Variants in SNX29 observed in about 807,000 individuals in gnomAD.
SNX29 encodes the protein sorting nexin 29.
SNX29 carries 78 observed loss-of-function variants against 102.1 expected under a neutral mutation model. That is an observed-to-expected ratio of 0.76 (90% confidence interval 0.64 to 0.92). SNX29 has a LOEUF of 0.92. Among genes scored for constraint, SNX29 ranks in the 40% least tolerant of loss-of-function variants. The probability of loss-of-function intolerance (pLI) is 0.00; values close to 1 mark genes in which losing one functional copy is unlikely to be tolerated. For missense variants in SNX29, 1,280 were observed against 1,061.7 expected, an observed-to-expected ratio of 1.21 and a Z score of -2.86; for synonymous variants, 580 against 414.5, an observed-to-expected ratio of 1.40 and a Z score of -4.85.
intron 13 of SNX29, among the ~76,000 whole-genome samples, chr16:12,151,820 C>A (rs981186973): frequency 6.6e-6 from 1 of 152,224 alleles, no homozygotes; most frequent in African/African-American, 2.4e-5. Context: ...ACTGCAACCT[C>A]TGCCTCCCGG....
In SNX29 at chr16:12,355,843, TAAAAAAA is replaced by T. The variant is rs56358290; in HGVS notation, c.1783-293_1783-287del. 3.4e-4 allele frequency among the ~76,000 whole-genome samples: 29 copies of T among 85,564 alleles called. No homozygotes were observed. In the East Asian group the frequency reaches 0.012, roughly 36 times the overall value. 56.1% of individuals were successfully genotyped at this position (85,564 alleles called of 152,430 possible). ...TGACCTTGACAGAGCGAGATCTTAT[TAAAAAAA>T]AAAAAAAAAAAAAAAAAAAAAAAAA... On this transcript the variant is annotated intron_variant, in intron 15 of 20. Transcript: ENST00000566228.
chr16:11,981,022 G>T (rs1376806768), intron 1 of SNX29, among the ~76,000 whole-genome samples: 1 of 150,712 alleles, frequency 6.6e-6, no homozygotes, highest in Non-Finnish European at 1.5e-5. Context: ...GTGCTGGAGT[G>T]CAGTGAGAAA....
At chr16:12,461,760 C>T (rs1055969490) in intron 18 of SNX29, among the ~76,000 whole-genome samples, 1 of 151,004 alleles carries the variant, frequency 6.6e-6, no homozygotes, top group African/African-American at 2.4e-5. Context: ...AGTTCAAGAC[C>T]AGCTTGGCTA....
At chr16:12,559,923 G>A (rs1052052832) in intron 20 of SNX29, among the ~76,000 whole-genome samples, 3 of 152,184 alleles carry the variant, frequency 2.0e-5, no homozygotes, top group African/African-American at 7.2e-5. Flanking sequence ...AGCTTGCAGT[G>A]AGTCGAGATT....
intron 18 of SNX29, among the ~76,000 whole-genome samples, chr16:12,440,619 A>C (rs2085756450): frequency 6.6e-6 from 1 of 152,006 alleles, no homozygotes; most frequent in Non-Finnish European, 1.5e-5. Flanking sequence ...AGAAGGCCCC[A>C]GTGTGTGGTG....
At chr16:12,054,013 G>T (rs555004166) in intron 8 of SNX29, among the ~76,000 whole-genome samples, 32 of 151,780 alleles carry the variant, frequency 2.1e-4, no homozygotes, top group African/African-American at 7.7e-4. Context: ...TGTCGCCCAG[G>T]CTGGGGTGCA....
intron 15 of SNX29, among the ~76,000 whole-genome samples, chr16:12,340,395 A>T (rs1327514739): frequency 6.6e-6 from 1 of 152,238 alleles, no homozygotes; most frequent in Non-Finnish European, 1.5e-5. Flanking sequence ...GAGCTCTAGG[A>T]TGTAAGCTCA....
rs1386422685 is a variant in SNX29, at chr16:12,098,135, CGTTTTGGTT to C, written c.1402+19222_1402+19230del. On this transcript the variant is annotated intron_variant, in intron 11 of 20. Transcript: ENST00000566228. The surrounding 1 kb of genome is among the most constrained non-coding windows in gnomAD (Gnocchi z 6.0). ...GCTCAGTACGTGGCCGGGGTGCTTA[CGTTTTGGTT>C]GCAGCCCAGCAGTTCTAACCCTTCC... is the stretch of plus-strand genomic sequence containing the variant. Among the ~76,000 whole-genome samples the C allele has an allele frequency of 1.3e-5, 2 of 152,208 alleles. No individual in the cohort carries two copies. Among genetic ancestry groups the C allele is most frequent in the Non-Finnish European group, 2.9e-5 (2 of 68,034 alleles).
chr16:12,409,521 C>T (rs572838012), intron 18 of SNX29, among the ~76,000 whole-genome samples: 10 of 149,492 alleles, frequency 6.7e-5, no homozygotes, highest in East Asian at 4.0e-4. Context: ...CTCCACCTCC[C>T]GGGTTCATGC....
intron 19 of SNX29, among the ~76,000 whole-genome samples, chr16:12,517,864 C>A (rs377342730): frequency 1.3e-4 from 20 of 152,060 alleles, no homozygotes; most frequent in African/African-American, 4.8e-4. Context: ...GGTATTGGCA[C>A]AGGAGCGAAG....
intron 19 of SNX29, among the ~76,000 whole-genome samples, chr16:12,520,355 C>A (rs1022535054): frequency 6.6e-6 from 1 of 152,204 alleles, no homozygotes; most frequent in African/African-American, 2.4e-5. Flanking sequence ...AACCCATGGG[C>A]TTTTATTTGG....
At chr16:12,148,441 AGTTT>A (rs1466078057) in intron 13 of SNX29, among the ~76,000 whole-genome samples, 8 of 145,740 alleles carry the variant, frequency 5.5e-5, no homozygotes, top group African/African-American at 2.0e-4. Context: ...CTCTTTCCCA[AGTTT>A]GTTAGGGAGT....
At chr16:12,078,308 C>G (rs1333333292) in intron 10 of SNX29, among the ~76,000 whole-genome samples, 1 of 151,712 alleles carries the variant, frequency 6.6e-6, no homozygotes, top group African/African-American at 2.4e-5. Context: ...AACCCCATTT[C>G]TAGTAAAAAT....
At chr16:12,419,434 C>T (rs549051073) in intron 18 of SNX29, among the ~76,000 whole-genome samples, 13 of 152,176 alleles carry the variant, frequency 8.5e-5, no homozygotes, top group African/African-American at 2.9e-4. Flanking sequence ...GACACTTGCA[C>T]GCTCTTGGTT....
intron 13 of SNX29, among the ~76,000 whole-genome samples, chr16:12,147,476 A>G (rs1490882713): frequency 6.6e-6 from 1 of 152,220 alleles, no homozygotes; most frequent in African/African-American, 2.4e-5. Flanking sequence ...AGAAGTAGGT[A>G]GAGGTGTCTA....
chr16:12,358,993 T>G (rs1478067571), intron 16 of SNX29, among the ~76,000 whole-genome samples: 1 of 152,242 alleles, frequency 6.6e-6, no homozygotes, highest in Non-Finnish European at 1.5e-5. Flanking sequence ...CTGAGTTCTG[T>G]GAGCTGCTCT....
chr16:12,332,319 A>T (rs919307414), intron 15 of SNX29, among the ~76,000 whole-genome samples: 1 of 152,166 alleles, frequency 6.6e-6, no homozygotes, highest in African/African-American at 2.4e-5. Context: ...AAATGGTTGC[A>T]TCTGGCTTTC....
At chr16:12,369,768 T>C (rs1052463895) in intron 16 of SNX29, among the ~76,000 whole-genome samples, 1 of 152,262 alleles carries the variant, frequency 6.6e-6, no homozygotes, top group African/African-American at 2.4e-5. Flanking sequence ...TTAATAGTTG[T>C]ACAAGTCTTC....
rs141906740 is a variant in SNX29 at position 12,082,275 on chromosome 16, C to G, written c.1402+3360C>G. The stretch of plus-strand genomic sequence containing the variant: ...GCCTTTGTAGGCACCGTAAGTAGGG[C>G]TGCAGGCATCCCTGTGTGCCCTGGC... On this transcript the variant is annotated intron_variant, in intron 11 of 20. Coordinates refer to ENST00000566228, the MANE Select transcript of SNX29 (RefSeq NM_032167.5). Among the ~76,000 whole-genome samples, 243 of 152,190 alleles carry G rather than the reference C, an allele frequency of 1.6e-3. 1 individual carries two copies. The highest frequency in any genetic ancestry group is 5.1e-3 in the African/African-American group (213 of 41,538).
Sources: gnomAD v4.1 joint callset for allele counts (sites outside exome capture counted in the v4.1 genomes callset) on GRCh38, gnomAD v4.1.1 for gene constraint, Gnocchi (gnomAD v3.1) non-coding constraint, MANE v1.5 for transcripts, NCBI Gene and HGNC (gene_info 2026-07-23, HGNC 2026-07-21) for gene names.